Variants in RPL37 observed in about 807,000 individuals in gnomAD.
RPL37 encodes the protein ribosomal protein L37.
Under a neutral mutation model 14.8 loss-of-function variants are expected in RPL37, and 1 was observed. The observed-to-expected ratio is 0.07, with a 90% confidence interval of 0.02 to 0.32. RPL37 has a LOEUF of 0.32. Among genes scored for constraint, RPL37 ranks in the 10% least tolerant of loss-of-function variants. The pLI is 1.00. For synonymous variants in RPL37, 53 were observed against 45.8 expected, an observed-to-expected ratio of 1.16 and a Z score of -0.63; for missense variants, 100 against 128.3, an observed-to-expected ratio of 0.78 and a Z score of 1.06.
In RPL37 at chr5:40,829,660, AGTGTGTGT is replaced by A. The variant is rs575492618; in HGVS notation, c.*2836_*2843del. On this transcript the variant is annotated 3_prime_UTR_variant, in exon 4 of 4. Transcript: ENST00000274242. ...AGAAACTCATGCATTTATCCATCATAGTGTGTGTGTGTGTGTGTATATATATATATATA... is the reference window on the plus strand; with the variant it reads ...AGAAACTCATGCATTTATCCATCATAGTGTGTGTGTATATATATATATATA... 2.6e-5 allele frequency: 2 copies of A among 75,484 alleles called. 1 individual carries two copies. Among genetic ancestry groups the A allele is most frequent in the Admixed American group, 3.9e-4 (2 of 5,140 alleles). 4.7% of individuals were successfully genotyped at this position (75,484 alleles called of 1,614,324 possible).
In RPL37 at chr5:40,826,889, C is replaced by T. The variant is rs1370969968; in HGVS notation, c.*5615G>A. 6.6e-6 allele frequency: 1 copy of T among 152,274 alleles called. No individual in the cohort carries two copies. The highest frequency in any genetic ancestry group is 2.4e-5 in the African/African-American group (1 of 41,442). 9.4% of individuals were successfully genotyped at this position (152,274 alleles called of 1,614,324 possible). A position where few individuals can be genotyped will look rare whatever the true frequency, so the allele number is the denominator to read the frequency against. On this transcript the variant is annotated 3_prime_UTR_variant, in exon 4 of 4. Transcript: ENST00000274242. ...ACCTCCCAGGCTCAAGCAATCCTTC[C>T]ACCTCAGCTCCCTGAGTAGCTGGGA...
In RPL37 at chr5:40,832,524, C is replaced by G. The variant is rs763363644; in HGVS notation, c.274G>C (p.Ala92Pro). Residue 92 changes from alanine (A) to proline (P), a missense_variant, in exon 4 of 4, where the codon GCA becomes CCA. Coordinates refer to ENST00000274242, the MANE Select transcript of RPL37 (RefSeq NM_000997.5). ...TTPKPKRAAV[A>P]ASSSS ...CATTCTTAAGATGAACTGGATGCTGCAACAGCTGCCCTCTTGGGTTTAGGT... is the reference window on the plus strand; with the variant it reads ...CATTCTTAAGATGAACTGGATGCTGGAACAGCTGCCCTCTTGGGTTTAGGT... 6.8e-6 allele frequency: 11 copies of G among 1,613,814 alleles called. No homozygotes were observed. In the South Asian group the frequency reaches 1.1e-4, roughly 16 times the overall value.
chr5:40,835,170 A>C lies in RPL37; in HGVS notation c.3+13T>G. On this transcript the variant is annotated intron_variant, in intron 1 of 3. Coordinates refer to ENST00000274242, the MANE Select transcript of RPL37 (RefSeq NM_000997.5). Reference sequence around the variant, plus strand: ...ATGGAACGCGATTCACAAACACCACAGTCACAACTCACCATCTCGCTTCTG... The same window carrying C: ...ATGGAACGCGATTCACAAACACCACCGTCACAACTCACCATCTCGCTTCTG... The C allele has an allele frequency of 6.2e-7, 1 of 1,614,146 alleles. No homozygotes were observed. Among genetic ancestry groups the C allele is most frequent in the Non-Finnish European group, 8.5e-7 (1 of 1,180,042 alleles).
rs1189081042 is a variant in RPL37 at position 40,827,733 on chromosome 5, T to A, written c.*4771A>T. On this transcript the variant is annotated 3_prime_UTR_variant, in exon 4 of 4. Coordinates refer to ENST00000274242, the MANE Select transcript of RPL37 (RefSeq NM_000997.5). ...TTTTGCTTAAGTCCTTCCTTTATCC[T>A]TTTTTTTTTTTGAGATGGAGTCTCG... The A allele has an allele frequency of 8.2e-6, 1 of 121,396 alleles. No homozygotes were observed. Among genetic ancestry groups the A allele is most frequent in the African/African-American group, 3.1e-5 (1 of 32,550 alleles). The allele number at this position is 121,396 out of a possible 1,614,324, so 7.5% of individuals were successfully genotyped here.
chr5:40,834,410 C>G (rs1579794590), intron 2 of RPL37, 61 bp downstream of exon 2: 1 of 1,590,808 alleles, frequency 6.3e-7, no homozygotes, highest in Non-Finnish European at 8.6e-7. Flanking sequence ...CAAACCTATG[C>G]CCCCACTTAA....
rs200519445 is a variant in RPL37 at position 40,832,582 on chromosome 5, T to C, written c.225-9A>G. On this transcript the variant is annotated splice_polypyrimidine_tract_variant and intron_variant, in intron 3 of 3. Transcript: ENST00000274242. Reference sequence around the variant, plus strand: ...CTTCACGGAATCCATGCCTGCAGGATGTCAAAAACAAGAACAAGTTACTTC... The same window carrying C: ...CTTCACGGAATCCATGCCTGCAGGACGTCAAAAACAAGAACAAGTTACTTC... 2 of 1,613,070 alleles carry C rather than the reference T, an allele frequency of 1.2e-6. No individual in the cohort carries two copies. The highest frequency in any genetic ancestry group is 1.7e-6 in the Non-Finnish European group (2 of 1,179,130).
Position 40,825,618 on chromosome 5 carries a change from C to T in RPL37, c.*6886G>A, listed in dbSNP as rs1745498511. ...CTGCTCTAATAACACCTTTTCCACT[C>T]TGACGTAGCTGAGCCATACACTACA... On this transcript the variant is annotated 3_prime_UTR_variant, in exon 4 of 4. Coordinates refer to ENST00000274242, the MANE Select transcript of RPL37 (RefSeq NM_000997.5). The T allele has an allele frequency of 6.6e-6, 1 of 152,244 alleles. No homozygotes were observed. Among genetic ancestry groups the T allele is most frequent in the Non-Finnish European group, 1.5e-5 (1 of 68,054 alleles). The allele number at this position is 152,244 out of a possible 1,614,324, so 9.4% of individuals were successfully genotyped here.
intron 1 of RPL37, 46 bp from the exon 2 acceptor site, chr5:40,834,652 G>T: frequency 6.5e-7 from 1 of 1,548,468 alleles, no homozygotes; most frequent in South Asian, 1.2e-5. Flanking sequence ...GCAACTTCTA[G>T]ATTTACTCGA....
At position 40,828,169 on chromosome 5, in the gene RPL37, AAG is replaced by A; in HGVS notation, c.*4333_*4334del. 1 of 152,326 alleles carries A rather than the reference AAG, an allele frequency of 6.6e-6. No homozygotes were observed. The highest frequency in any genetic ancestry group is 3.4e-3 in the Middle Eastern group (1 of 294). The allele number at this position is 152,326 out of a possible 1,614,324, so 9.4% of individuals were successfully genotyped here. A position where few individuals can be genotyped will look rare whatever the true frequency, so the allele number is the denominator to read the frequency against. On this transcript the variant is annotated 3_prime_UTR_variant, in exon 4 of 4. Transcript: ENST00000274242. ...CAAAACTCAAAAAGGGCTGAATGATAAGTCATTCAGGTAAAGACAAAAGAATG... is the reference window on the plus strand; with the variant it reads ...CAAAACTCAAAAAGGGCTGAATGATATCATTCAGGTAAAGACAAAAGAATG...
chr5:40,832,552 T>C lies in RPL37; in HGVS notation c.246A>G (p.Thr82=), dbSNP rs1444836190. Reference sequence around the variant, plus strand: ...CAGCTGCCCTCTTGGGTTTAGGTGTTGTTCCTTCACGGAATCCATGCCTGC... The same window carrying C: ...CAGCTGCCCTCTTGGGTTTAGGTGTCGTTCCTTCACGGAATCCATGCCTGC... ...RRFRHGFREG[T]TPKPKRAAVA... The change falls in exon 4 of 4, where the codon ACA becomes ACG. Residue 82 remains threonine, a synonymous_variant. Coordinates refer to ENST00000274242, the MANE Select transcript of RPL37 (RefSeq NM_000997.5). 1.2e-6 allele frequency: 2 copies of C among 1,613,948 alleles called. No individual in the cohort carries two copies. The highest frequency in any genetic ancestry group is 1.3e-5 in the African/African-American group (1 of 74,940).
chr5:40,835,132 A>C (rs1043495902), intron 1 of RPL37, 51 bp downstream of exon 1: 2 of 1,613,466 alleles, frequency 1.2e-6, no homozygotes, highest in African/African-American at 2.7e-5. Flanking sequence ...ACAGAGAGGC[A>C]CAAAGGACGA....
chr5:40,829,260 T>C lies in RPL37; in HGVS notation c.*3244A>G, dbSNP rs935419503. The stretch of plus-strand genomic sequence containing the variant: ...ATGAACTATTTAAGAACCTGTTACC[T>C]AGTTTCCAGCTTCAAGACTCATCAC... On this transcript the variant is annotated 3_prime_UTR_variant, in exon 4 of 4. Coordinates refer to ENST00000274242, the MANE Select transcript of RPL37 (RefSeq NM_000997.5). 3.3e-5 allele frequency: 5 copies of C among 152,250 alleles called. No individual in the cohort carries two copies. Among genetic ancestry groups the C allele is most frequent in the African/African-American group, 1.2e-4 (5 of 41,472 alleles). 9.4% of individuals were successfully genotyped at this position (152,250 alleles called of 1,614,324 possible).
rs1450374791 is a variant in RPL37, at chr5:40,834,192, G to A, written c.213C>T (p.Tyr71=). Residue 71 remains tyrosine, a synonymous_variant, in exon 3 of 4, where the codon TAC becomes TAT. Coordinates refer to ENST00000274242, the MANE Select transcript of RPL37 (RefSeq NM_000997.5). ...CATACAAACTGTACCTGAATCTGCG[G>A]TATACAATTTTTAGGTGCCTCATTC... is the stretch of plus-strand genomic sequence containing the variant. The part of the protein sequence containing the change: ...TGRMRHLKIV[Y]RRFRHGFREG... 1.9e-6 allele frequency: 3 copies of A among 1,612,534 alleles called. No homozygotes were observed. The highest frequency in any genetic ancestry group is 1.7e-5 in the Admixed American group (1 of 60,018).
At position 40,828,013 on chromosome 5, in the gene RPL37, A is replaced by G. The variant is rs1242368024; in HGVS notation, c.*4491T>C. 6.6e-6 allele frequency: 1 copy of G among 152,242 alleles called. No individual in the cohort carries two copies. The highest frequency in any genetic ancestry group is 1.5e-5 in the Non-Finnish European group (1 of 68,044). 9.4% of individuals were successfully genotyped at this position (152,242 alleles called of 1,614,324 possible). A position where few individuals can be genotyped will look rare whatever the true frequency, so the allele number is the denominator to read the frequency against. ...CCAAATGTGCTAATAAATGTGAAAC[A>G]GCCTCTTTCTCTGAAACAAGTTCTT... On this transcript the variant is annotated 3_prime_UTR_variant, in exon 4 of 4. Transcript: ENST00000274242.
intron 3 of RPL37, chr5:40,832,816 G>A: frequency 1.8e-6 from 1 of 552,288 alleles, no homozygotes; most frequent in Non-Finnish European, 3.4e-6. Flanking sequence ...AAACTTATTT[G>A]GCTATACTAG....
In RPL37 at chr5:40,829,780, C is replaced by G. The variant is rs895344295; in HGVS notation, c.*2724G>C. 1 of 152,096 alleles carries G rather than the reference C, an allele frequency of 6.6e-6. No individual in the cohort carries two copies. The highest frequency in any genetic ancestry group is 1.5e-5 in the Non-Finnish European group (1 of 68,072). The allele number at this position is 152,096 out of a possible 1,614,324, so 9.4% of individuals were successfully genotyped here. ...CTCCGTCTCCCAGGTTCAAGCAATT[C>G]TCCTGCCTCAGCCTCCCTAGTAGCT... On this transcript the variant is annotated 3_prime_UTR_variant, in exon 4 of 4. Coordinates refer to ENST00000274242, the MANE Select transcript of RPL37 (RefSeq NM_000997.5).
Position 40,829,570 on chromosome 5 carries a change from G to A in RPL37, c.*2934C>T, listed in dbSNP as rs996266640. ...ATCATGATTCCTTCAAGTCCTCCCT[G>A]GCTCAGCTTAAATCTTAGCCTGGCT... is the stretch of plus-strand genomic sequence containing the variant. On this transcript the variant is annotated 3_prime_UTR_variant, in exon 4 of 4. Coordinates refer to ENST00000274242, the MANE Select transcript of RPL37 (RefSeq NM_000997.5). 3 of 151,874 alleles carry A rather than the reference G, an allele frequency of 2.0e-5. No homozygotes were observed. Among genetic ancestry groups the A allele is most frequent in the Non-Finnish European group, 2.9e-5 (2 of 68,016 alleles). The allele number at this position is 151,874 out of a possible 1,614,324, so 9.4% of individuals were successfully genotyped here.
At chr5:40,834,933 T>C in intron 1 of RPL37, 1 of 623,218 alleles carries the variant, frequency 1.6e-6, no homozygotes, top group Non-Finnish European at 2.8e-6. Flanking sequence ...GCTAGAGCCG[T>C]GAAAGGTCTC....
At position 40,830,045 on chromosome 5, in the gene RPL37, T is replaced by C. The variant is rs977875466; in HGVS notation, c.*2459A>G. On this transcript the variant is annotated 3_prime_UTR_variant, in exon 4 of 4. Transcript: ENST00000274242. ...ACCAGTTACATGTGGAAACAGGTAGTCTGCTTTGACAGCTGGGGGCAAATC... is the reference window on the plus strand; with the variant it reads ...ACCAGTTACATGTGGAAACAGGTAGCCTGCTTTGACAGCTGGGGGCAAATC... 6.6e-6 allele frequency: 1 copy of C among 152,172 alleles called. No homozygotes were observed. The highest frequency in any genetic ancestry group is 1.5e-5 in the Non-Finnish European group (1 of 68,020). 9.4% of individuals were successfully genotyped at this position (152,172 alleles called of 1,614,324 possible).
Sources: allele counts gnomAD v4.1 joint callset, GRCh38; gene constraint gnomAD v4.1.1; transcripts MANE v1.5; gene names NCBI Gene and HGNC (gene_info 2026-07-23, HGNC 2026-07-21).